GRIN3A: variants seen among roughly 807,000 people sequenced by gnomAD.
The protein encoded by GRIN3A is glutamate receptor ionotropic, NMDA 3A.
Under a neutral mutation model 92.4 loss-of-function variants are expected in GRIN3A, and 47 were observed. The ratio of observed to expected loss-of-function variants is 0.51; its 90% CI spans 0.40 to 0.65. GRIN3A has a LOEUF of 0.65. Ranked by LOEUF, GRIN3A falls within the 30% of genes least tolerant of loss-of-function variation. The pLI, the probability that GRIN3A is intolerant of heterozygous loss-of-function variation, is 0.00. For missense variants in GRIN3A, 1,324 were observed against 1,393.1 expected (o/e 0.95, Z 0.79); for synonymous variants, 527 against 540.6 (o/e 0.97, Z 0.35).
At chr9:101,626,939 G>A (rs1022618473) in intron 4 of GRIN3A, among the ~76,000 whole-genome samples, 9 of 152,200 alleles carry the variant, frequency 5.9e-5, no homozygotes, top group South Asian at 2.1e-4. Context: ...TGCTGGGCAC[G>A]TGGGCCTTCT....
intron 3 of GRIN3A, among the ~76,000 whole-genome samples, chr9:101,665,290 G>A (rs1028657850): frequency 1.2e-4 from 18 of 151,784 alleles, no homozygotes; most frequent in African/African-American, 4.1e-4. Context: ...TATTTTCAAA[G>A]TTTTAGGGCG....
At position 101,613,412 on chromosome 9, in the gene GRIN3A, C is replaced by T; in HGVS notation, c.2730G>A (p.Val910=). Residue 910 remains valine, a synonymous_variant, in exon 6 of 9, where the codon GTG becomes GTA. Coordinates refer to ENST00000361820, the MANE Select transcript of GRIN3A (RefSeq NM_133445.3). ...MDMLHDKWYR[V]VPCGKRSFAV... is the part of the protein sequence containing the mutation. The stretch of plus-strand genomic sequence containing the variant: ...CAAAACTTCTCTTGCCACAGGGAAC[C>T]ACCCTGTACCACTTGTCATGGAGCA... 6.2e-7 allele frequency: 1 copy of T among 1,614,166 alleles called. No individual in the cohort carries two copies. Among genetic ancestry groups the T allele is most frequent in the Non-Finnish European group, 8.5e-7 (1 of 1,180,016 alleles).
chr9:101,717,742 G>A (rs531957068), intron 1 of GRIN3A, among the ~76,000 whole-genome samples: 5 of 152,158 alleles, frequency 3.3e-5, no homozygotes, highest in Admixed American at 6.5e-5. Flanking sequence ...AGAGAAATTC[G>A]CAGAAGAGGT....
chr9:101,614,693 C>T (rs1205083526), intron 5 of GRIN3A, among the ~76,000 whole-genome samples: 1 of 135,656 alleles, frequency 7.4e-6, no homozygotes, highest in African/African-American at 2.8e-5. Flanking sequence ...CATCATGGCT[C>T]ACTGCAACCT....
intron 5 of GRIN3A, among the ~76,000 whole-genome samples, chr9:101,621,446 A>T (rs547696325): frequency 6.6e-6 from 1 of 152,260 alleles, no homozygotes; most frequent in African/African-American, 2.4e-5. Context: ...CAGAAGTAGA[A>T]TTGAATTAAT....
rs771904967 is a variant in GRIN3A at position 101,617,205 on chromosome 9, T to TCAAA, written c.2615-3679_2615-3678insTTTG. Among the ~76,000 whole-genome samples, 619 of 107,112 alleles carry TCAAA rather than the reference T, an allele frequency of 5.8e-3. 9 individuals are homozygous for TCAAA. Among genetic ancestry groups the TCAAA allele is most frequent in the African/African-American group, 0.02 (593 of 29,762 alleles). 70.3% of individuals were successfully genotyped at this position (107,112 alleles called of 152,430 possible). On this transcript the variant is annotated intron_variant, in intron 5 of 8. Coordinates refer to ENST00000361820, the MANE Select transcript of GRIN3A (RefSeq NM_133445.3). ...ATGGGCGACAGAGCGAGACTCCGTC[T>TCAAA]AAAAAAAAAAAAAAAAAAAAAGAAA...
chr9:101,600,083 G>A (rs1828191760), intron 6 of GRIN3A, among the ~76,000 whole-genome samples: 1 of 152,106 alleles, frequency 6.6e-6, no homozygotes, highest in Non-Finnish European at 1.5e-5. Context: ...GTGACCTTGG[G>A]CAGAGTTACT....
chr9:101,571,613 A>C lies in GRIN3A; in HGVS notation c.*1561T>G, dbSNP rs905027255. 1 of 152,254 alleles carries C rather than the reference A, an allele frequency of 6.6e-6. No individual in the cohort carries two copies. The highest frequency in any genetic ancestry group is 1.5e-5 in the Non-Finnish European group (1 of 68,076). 9.4% of individuals were successfully genotyped at this position (152,254 alleles called of 1,614,324 possible). ...GTGAGGATGTTGAAGGAGAGTCAGCAGATGTGTGCTAAAATTATTAAAAAG... is the reference window on the plus strand; with the variant it reads ...GTGAGGATGTTGAAGGAGAGTCAGCCGATGTGTGCTAAAATTATTAAAAAG... On this transcript the variant is annotated 3_prime_UTR_variant, in exon 9 of 9. Coordinates refer to ENST00000361820, the MANE Select transcript of GRIN3A (RefSeq NM_133445.3).
chr9:101,666,012 A>G (rs982057689), intron 3 of GRIN3A, among the ~76,000 whole-genome samples: 71 of 152,012 alleles, frequency 4.7e-4, no homozygotes, highest in African/African-American at 1.7e-3. Context: ...TCACCTCAGA[A>G]AATTAGAATT....
chr9:101,734,897 C>T (rs1830183179), intron 1 of GRIN3A, among the ~76,000 whole-genome samples: 2 of 151,904 alleles, frequency 1.3e-5, no homozygotes, highest in South Asian at 2.1e-4. Context: ...CAGTAGACTC[C>T]GAGGATGGTG....
chr9:101,606,332 G>C (rs917713634), intron 6 of GRIN3A, among the ~76,000 whole-genome samples: 3 of 152,058 alleles, frequency 2.0e-5, no homozygotes, highest in African/African-American at 4.8e-5. Context: ...AGGCTCCCTG[G>C]ACCTGAGGTA....
At chr9:101,695,169 T>C (rs1280388652) in intron 1 of GRIN3A, among the ~76,000 whole-genome samples, 1 of 152,142 alleles carries the variant, frequency 6.6e-6, no homozygotes, top group Non-Finnish European at 1.5e-5. Flanking sequence ...GGTGACCATG[T>C]TGAGATTAGG....
At chr9:101,591,566 T>C (rs923860207) in intron 6 of GRIN3A, 1 of 152,198 alleles carries the variant, frequency 6.6e-6, no homozygotes, top group Non-Finnish European at 1.5e-5. Context: ...GTTGTTATGA[T>C]GATTAAATGA....
chr9:101,678,061 G>C (rs1165216093), intron 2 of GRIN3A, among the ~76,000 whole-genome samples: 1 of 152,092 alleles, frequency 6.6e-6, no homozygotes, highest in Non-Finnish European at 1.5e-5. Context: ...AGCTGAAAGA[G>C]GCTTCAGCAT....
At chr9:101,647,857 T>C (rs1453824352) in intron 3 of GRIN3A, among the ~76,000 whole-genome samples, 2 of 151,966 alleles carry the variant, frequency 1.3e-5, no homozygotes, top group East Asian at 3.9e-4. Flanking sequence ...TTTGGTTTTA[T>C]TTGTTTGCAT....
Position 101,606,934 on chromosome 9 carries a change from G to A in GRIN3A, c.2766+6442C>T, listed in dbSNP as rs1277179817. Among the ~76,000 whole-genome samples, 5 of 41,178 alleles carry A rather than the reference G, an allele frequency of 1.2e-4. 1 individual carries two copies. In the East Asian group the frequency reaches 2.5e-3, roughly 21 times the overall value. The allele number at this position is 41,178 out of a possible 152,430, so 27.0% of individuals were successfully genotyped here. A position where few individuals can be genotyped will look rare whatever the true frequency, so the allele number is the denominator to read the frequency against. ...TTTTTTTTTTTTTTTTTTTTTTGCT[G>A]AGTCAAAAGAAAACAAAGGAAATTT... On this transcript the variant is annotated intron_variant, in intron 6 of 8. Transcript: ENST00000361820.
rs2118782230 is a variant in GRIN3A, at chr9:101,577,619, A to C, written c.3008+149T>G. The stretch of plus-strand genomic sequence containing the variant: ...TTGTGTACACTGCATTTTAGTGTCC[A>C]TATACATTTTTTATTTTATGTTTTA... On this transcript the variant is annotated intron_variant, in intron 8 of 8. Transcript: ENST00000361820. The C allele has an allele frequency of 1.0e-5, 7 of 689,048 alleles. No individual in the cohort carries two copies. In the East Asian group the frequency reaches 1.9e-4, roughly 19 times the overall value. The allele number at this position is 689,048 out of a possible 1,614,324, so 42.7% of individuals were successfully genotyped here.
chr9:101,738,536 C>T lies in GRIN3A; in HGVS notation c.-557G>A, dbSNP rs532826243. ...TTGGCCACCCTCCTGCAGGCTCCCCCAGCGCCGACTTCATTTTCTCTCTTC... is the reference window on the plus strand; with the variant it reads ...TTGGCCACCCTCCTGCAGGCTCCCCTAGCGCCGACTTCATTTTCTCTCTTC... On this transcript the variant is annotated 5_prime_UTR_variant, in exon 1 of 9. Transcript: ENST00000361820. 15 of 157,876 alleles carry T rather than the reference C, an allele frequency of 9.5e-5. No individual in the cohort carries two copies. The South Asian group carries it at 2.7e-3, about 29-fold the overall frequency. 9.8% of individuals were successfully genotyped at this position (157,876 alleles called of 1,614,324 possible). A position where few individuals can be genotyped will look rare whatever the true frequency, so the allele number is the denominator to read the frequency against.
intron 2 of GRIN3A, 129 bp from the exon 3 acceptor site, chr9:101,671,236 T>C (rs1386893648): frequency 2.8e-6 from 2 of 727,266 alleles, no homozygotes; most frequent in Non-Finnish European, 4.9e-6. Flanking sequence ...ACAGTGCCTA[T>C]AATTTCTTCA....
Sources: allele counts gnomAD v4.1 joint callset (sites outside exome capture counted in the v4.1 genomes callset), GRCh38; gene constraint gnomAD v4.1.1; transcripts MANE v1.5; gene names NCBI Gene and HGNC (gene_info 2026-07-23, HGNC 2026-07-21).